The following IL34 variants were observed in gnomAD, a reference collection of about 807,000 sequenced individuals.
IL34 encodes the protein interleukin 34, also known as interleukin-34.
A neutral mutation model predicts 25.3 loss-of-function variants in IL34; 17 were observed. The observed-to-expected ratio is 0.67, with a 90% CI of 0.46 to 1.01. IL34 has a LOEUF of 1.01. Among genes scored for constraint, IL34 ranks in the 50% least tolerant of loss-of-function variants. IL34 has a pLI of 0.00. For synonymous variants in IL34, 174 were observed against 140.9 expected (o/e 1.23, Z -1.66); for missense variants, 368 against 312.9 (o/e 1.18, Z -1.33).
At chr16:70,659,509 G>A (rs2052327284) in intron 4 of IL34, 109 bp from the exon 5 acceptor site, 3 of 1,358,126 alleles carry the variant, frequency 2.2e-6, no homozygotes, top group Non-Finnish European at 3.0e-6. Flanking sequence ...CAGGAAGTCT[G>A]GTCCTTCTTC....
chr16:70,659,466 A>T (rs2052325960), intron 4 of IL34, 152 bp from the exon 5 acceptor site: 6 of 963,516 alleles, frequency 6.2e-6, no homozygotes, highest in Non-Finnish European at 5.9e-6. Flanking sequence ...CAGGAAGAAG[A>T]TGGTGAGAAA....
At chr16:70,600,937 C>CTGCTGGGAGGAGTAGGGGA (rs1448974213) in intron 1 of IL34, among the ~76,000 whole-genome samples, 1 of 122,410 alleles carries the variant, frequency 8.2e-6, no homozygotes, top group African/African-American at 4.3e-5. Flanking sequence ...AGAAGCAGGG[C>CTGCTGGGAGGAGTAGGGGA]TGCTGGGAGG....
intron 1 of IL34, among the ~76,000 whole-genome samples, chr16:70,619,488 A>G (rs1048525017): frequency 1.6e-4 from 25 of 152,134 alleles, no homozygotes; most frequent in Non-Finnish European, 7.3e-5. Context: ...TTAAAAGAGT[A>G]TTGCCTAAGT....
At chr16:70,633,275 A>G (rs1268372712) in intron 1 of IL34, among the ~76,000 whole-genome samples, 1 of 150,810 alleles carries the variant, frequency 6.6e-6, no homozygotes, top group Non-Finnish European at 1.5e-5. Flanking sequence ...TTCTTTTAAG[A>G]CAGGGTCTCA....
intron 1 of IL34, among the ~76,000 whole-genome samples, chr16:70,639,015 T>TGA (rs1317068282): frequency 2.0e-5 from 3 of 152,246 alleles, no homozygotes; most frequent in Non-Finnish European, 2.9e-5. Context: ...TAGGAAATGC[T>TGA]GACTAAGGCG....
intron 1 of IL34, among the ~76,000 whole-genome samples, chr16:70,630,847 A>G (rs1300306950): frequency 1.3e-5 from 2 of 152,108 alleles, no homozygotes; most frequent in Non-Finnish European, 2.9e-5. Flanking sequence ...TGTTGAGATT[A>G]TAGGAGTGAG....
chr16:70,581,770 G>T (rs891595842), intron 1 of IL34, among the ~76,000 whole-genome samples: 1 of 152,064 alleles, frequency 6.6e-6, no homozygotes, highest in Non-Finnish European at 1.5e-5. Flanking sequence ...GTTAGTTCAT[G>T]TGTAAAATAG....
chr16:70,586,398 G>A (rs1028364145), intron 1 of IL34, among the ~76,000 whole-genome samples: 1 of 152,144 alleles, frequency 6.6e-6, no homozygotes, highest in Non-Finnish European at 1.5e-5. Context: ...GAAAGACTTC[G>A]TCTATACAAA....
upstream of IL34, among the ~76,000 whole-genome samples, chr16:70,644,580 A>G (rs1479747158): frequency 6.6e-6 from 1 of 152,082 alleles, no homozygotes; most frequent in East Asian, 1.9e-4. Context: ...AAAATGTAGT[A>G]TATGTAAATT....
At chr16:70,627,002 G>C (rs906151151) in intron 1 of IL34, among the ~76,000 whole-genome samples, 1 of 151,784 alleles carries the variant, frequency 6.6e-6, no homozygotes, top group East Asian at 2.0e-4. Context: ...AAATATATAT[G>C]TTTCTTATAG....
chr16:70,591,936 T>G (rs924914189), intron 1 of IL34, among the ~76,000 whole-genome samples: 1 of 150,796 alleles, frequency 6.6e-6, no homozygotes. Flanking sequence ...AGGAGCAAAG[T>G]GCATTTGATC....
chr16:70,608,537 C>T (rs2051045318), intron 1 of IL34, among the ~76,000 whole-genome samples: 1 of 152,294 alleles, frequency 6.6e-6, no homozygotes, highest in Non-Finnish European at 1.5e-5. Context: ...TCTGGTTCCC[C>T]AGTAAAACCC....
upstream of IL34, among the ~76,000 whole-genome samples, chr16:70,644,852 A>T (rs1446887389): frequency 7.6e-6 from 1 of 131,250 alleles, no homozygotes; most frequent in Non-Finnish European, 1.6e-5. Flanking sequence ...AGGAGGGAAG[A>T]GGAGGAAGAG....
upstream of IL34, among the ~76,000 whole-genome samples, chr16:70,646,104 C>T (rs1262902990): frequency 2.0e-5 from 3 of 151,698 alleles, no homozygotes; most frequent in Admixed American, 2.0e-4. Flanking sequence ...GAACTGAGGT[C>T]TTACTATGCT....
At chr16:70,598,770 G>T (rs1208129960) in intron 1 of IL34, among the ~76,000 whole-genome samples, 3 of 152,150 alleles carry the variant, frequency 2.0e-5, no homozygotes, top group African/African-American at 7.2e-5. Flanking sequence ...TTCTTTTAAA[G>T]AATGAAAATT....
intron 1 of IL34, among the ~76,000 whole-genome samples, chr16:70,623,649 G>A (rs919666901): frequency 2.0e-5 from 3 of 151,938 alleles, no homozygotes; most frequent in Non-Finnish European, 2.9e-5. Context: ...TAAGGTGGGG[G>A]AATACAAGAG....
chr16:70,593,150 T>A (rs1008990172), intron 1 of IL34, among the ~76,000 whole-genome samples: 1 of 152,112 alleles, frequency 6.6e-6, no homozygotes, highest in Non-Finnish European at 1.5e-5. Flanking sequence ...TTTAACTGGG[T>A]TGTTTGTTTT....
intron 1 of IL34, among the ~76,000 whole-genome samples, chr16:70,635,388 CTTTT>C (rs2051618078): frequency 6.6e-6 from 1 of 152,192 alleles, no homozygotes. Context: ...GCTTTGTTTT[CTTTT>C]GTCTCCTGCT....
intron 1 of IL34, among the ~76,000 whole-genome samples, chr16:70,628,261 T>C (rs986357975): frequency 6.6e-5 from 10 of 152,222 alleles, no homozygotes; most frequent in African/African-American, 1.7e-4. Flanking sequence ...CTTCAGAGAA[T>C]TGGACCTACT....
Sources: gnomAD v4.1 joint callset for allele counts (sites outside exome capture counted in the v4.1 genomes callset) on GRCh38, gnomAD v4.1.1 for gene constraint, MANE v1.5 for transcripts, NCBI Gene and HGNC (gene_info 2026-07-23, HGNC 2026-07-21) for gene names.